CTNNA3: variants seen among roughly 807,000 people sequenced by gnomAD.
CTNNA3 encodes catenin alpha-3.
CTNNA3 carries 76 observed loss-of-function variants against 95.7 expected under a neutral mutation model. That is an observed-to-expected ratio of 0.79 (90% CI 0.66 to 0.96). The LOEUF (loss-of-function observed/expected upper bound fraction) is 0.96, where lower values mean the gene tolerates loss of function less well. Among genes scored for constraint, CTNNA3 ranks in the 40% least tolerant of loss-of-function variants. CTNNA3 has a pLI of 0.00. For missense variants in CTNNA3, 1,191 were observed against 1,089.8 expected (o/e 1.09, Z -1.31); for synonymous variants, 431 against 374.4 (o/e 1.15, Z -1.74).
At chr10:65,975,339 T>A (rs982197648) in intron 16 of CTNNA3, among the ~76,000 whole-genome samples, 11 of 151,944 alleles carry the variant, frequency 7.2e-5, no homozygotes, top group Non-Finnish European at 1.2e-4. Context: ...AGGATTATAT[T>A]GTAGCTAATT....
intron 16 of CTNNA3, among the ~76,000 whole-genome samples, chr10:65,983,461 T>C (rs1382092137): frequency 6.6e-6 from 1 of 151,548 alleles, no homozygotes; most frequent in Non-Finnish European, 1.5e-5. Context: ...ATATGATTAA[T>C]TACAATGTAG....
At chr10:67,032,781 TA>T (rs566209884) in intron 7 of CTNNA3, among the ~76,000 whole-genome samples, 87 of 152,334 alleles carry the variant, frequency 5.7e-4, no homozygotes, top group African/African-American at 2.0e-3. Context: ...TTCCTTTTTT[TA>T]TGTGTTCTCA....
intron 7 of CTNNA3, among the ~76,000 whole-genome samples, chr10:67,112,555 T>C (rs1054105394): frequency 5.3e-5 from 8 of 152,138 alleles, no homozygotes; most frequent in African/African-American, 1.9e-4. Context: ...GGAAGCTGAT[T>C]TGTATTTCAG....
At chr10:67,236,516 T>TG (rs1283943786) in intron 5 of CTNNA3, among the ~76,000 whole-genome samples, 256 of 22,470 alleles carry the variant, frequency 0.011, 1 homozygote, top group Middle Eastern at 0.058. Flanking sequence ...TGTTGTGGGG[T>TG]GGGGGGGGTG....
chr10:67,285,353 C>T (rs936844038), intron 5 of CTNNA3, among the ~76,000 whole-genome samples: 17 of 152,244 alleles, frequency 1.1e-4, no homozygotes, highest in Middle Eastern at 6.8e-3. Flanking sequence ...AGGAAATAGA[C>T]GGCTAGAGAA....
chr10:67,489,428 G>A (rs1307013686), intron 5 of CTNNA3, among the ~76,000 whole-genome samples: 1 of 152,160 alleles, frequency 6.6e-6, no homozygotes, highest in Non-Finnish European at 1.5e-5. Context: ...CTCAACCTAA[G>A]TTGCAACTTG....
At chr10:67,400,202 T>C (rs370738689) in intron 5 of CTNNA3, among the ~76,000 whole-genome samples, 4 of 152,128 alleles carry the variant, frequency 2.6e-5, no homozygotes, top group Admixed American at 2.6e-4. Flanking sequence ...ACCTTCAAGA[T>C]GCCAATAAGA....
chr10:65,965,782 G>A (rs1035737312), intron 17 of CTNNA3, among the ~76,000 whole-genome samples: 1 of 151,768 alleles, frequency 6.6e-6, no homozygotes, highest in Non-Finnish European at 1.5e-5. Context: ...AGGGACTGTC[G>A]AATGCCAGGA....
At chr10:66,358,769 T>C (rs547807493) in intron 12 of CTNNA3, among the ~76,000 whole-genome samples, 1 of 152,318 alleles carries the variant, frequency 6.6e-6, no homozygotes, top group Admixed American at 6.5e-5. Flanking sequence ...GTAATACAAA[T>C]ATTTTGACAT....
intron 6 of CTNNA3, among the ~76,000 whole-genome samples, chr10:67,218,721 C>A (rs982774073): frequency 2.6e-5 from 4 of 152,194 alleles, no homozygotes; most frequent in African/African-American, 9.6e-5. Flanking sequence ...TCCACCAACA[C>A]CACTCTAGTC....
At chr10:65,921,368 C>T (rs1321095371) in intron 17 of CTNNA3, among the ~76,000 whole-genome samples, 3 of 152,172 alleles carry the variant, frequency 2.0e-5, no homozygotes, top group Admixed American at 2.0e-4. Context: ...GGAATGTCTG[C>T]TAGCAAACCC....
chr10:67,088,189 C>T (rs141704144), intron 7 of CTNNA3, among the ~76,000 whole-genome samples: 1 of 151,278 alleles, frequency 6.6e-6, no homozygotes, highest in African/African-American at 2.4e-5. Flanking sequence ...CTTCTGCTTG[C>T]TAGGCATGTA....
At chr10:66,056,539 C>A (rs2080091674) in intron 15 of CTNNA3, among the ~76,000 whole-genome samples, 1 of 152,058 alleles carries the variant, frequency 6.6e-6, no homozygotes, top group Non-Finnish European at 1.5e-5. Flanking sequence ...ATAATACTAG[C>A]CTCATAGAAT....
At position 66,986,763 on chromosome 10, in the gene CTNNA3, G is replaced by T. The variant is rs117988687; in HGVS notation, c.1047+193554C>A. The stretch of plus-strand genomic sequence containing the variant: ...AAAACAGAGATCATACTACCTATCT[G>T]CAGTTAACATGGCAGTTAAATAACA... On this transcript the variant is annotated intron_variant, in intron 7 of 17. Coordinates refer to ENST00000433211, the MANE Select transcript of CTNNA3 (RefSeq NM_013266.4). Among the ~76,000 whole-genome samples, 101 of 152,192 alleles carry T rather than the reference G, an allele frequency of 6.6e-4. 1 individual carries two copies. In the East Asian group the frequency reaches 0.017, roughly 25 times the overall value.
chr10:66,469,451 A>G (rs957985750), intron 11 of CTNNA3, among the ~76,000 whole-genome samples: 1 of 151,886 alleles, frequency 6.6e-6, no homozygotes, highest in Admixed American at 6.6e-5. Flanking sequence ...AGAGTGGCAC[A>G]AGAAAAATAT....
In CTNNA3 at chr10:66,496,285, A is replaced by G. The variant is rs561716284; in HGVS notation, c.1531+24332T>C. Among the ~76,000 whole-genome samples, 5 of 152,118 alleles carry G rather than the reference A, an allele frequency of 3.3e-5. No homozygotes were observed. The East Asian group carries it at 9.7e-4, about 30-fold the overall frequency. ...AATTCCGTAGTATAATCTGATTAAT[A>G]GGTGTCATAAGGAAATGACTGAACT... is the stretch of plus-strand genomic sequence containing the variant. On this transcript the variant is annotated intron_variant, in intron 11 of 17. Coordinates refer to ENST00000433211, the MANE Select transcript of CTNNA3 (RefSeq NM_013266.4).
chr10:67,291,153 A>G (rs1485840216), intron 5 of CTNNA3, among the ~76,000 whole-genome samples: 1 of 152,150 alleles, frequency 6.6e-6, no homozygotes, highest in African/African-American at 2.4e-5. Flanking sequence ...AGATATTGAC[A>G]CCTGCCTCAT....
At position 66,500,147 on chromosome 10, in the gene CTNNA3, A is replaced by G. The variant is rs534851250; in HGVS notation, c.1531+20470T>C. 7.9e-5 allele frequency among the ~76,000 whole-genome samples: 12 copies of G among 152,292 alleles called. 1 individual carries two copies. The South Asian group carries it at 2.5e-3, about 32-fold the overall frequency. Reference sequence around the variant, plus strand: ...AAAAAGATTTTAAAAGCCACAAACAAAAGTAAAAAACAAAACTCACACATA... The same window carrying G: ...AAAAAGATTTTAAAAGCCACAAACAGAAGTAAAAAACAAAACTCACACATA... On this transcript the variant is annotated intron_variant, in intron 11 of 17. Coordinates refer to ENST00000433211, the MANE Select transcript of CTNNA3 (RefSeq NM_013266.4).
At chr10:66,142,274 C>T (rs988563346) in intron 13 of CTNNA3, among the ~76,000 whole-genome samples, 1 of 152,076 alleles carries the variant, frequency 6.6e-6, no homozygotes, top group Non-Finnish European at 1.5e-5. Flanking sequence ...TATCTTTTCA[C>T]CATTGTTTTG....
Sources: gnomAD v4.1 joint callset for allele counts (sites outside exome capture counted in the v4.1 genomes callset) on GRCh38, gnomAD v4.1.1 for gene constraint, MANE v1.5 for transcripts, NCBI Gene and HGNC (gene_info 2026-07-23, HGNC 2026-07-21) for gene names.